LRBA: variants seen among roughly 807,000 people sequenced by gnomAD.
LRBA encodes the protein LPS responsive beige-like anchor protein.
Under a neutral mutation model 330.0 loss-of-function variants are expected in LRBA, and 176 were observed. That is an observed-to-expected ratio of 0.53 (90% CI 0.47 to 0.60). The LOEUF (loss-of-function observed/expected upper bound fraction) is 0.60, where lower values mean the gene tolerates loss of function less well. Ranked by LOEUF, LRBA falls within the 20% of genes least tolerant of loss-of-function variation. The pLI is 0.00. For synonymous variants in LRBA, 1,230 were observed against 1,193.0 expected (o/e 1.03, Z -0.64); for missense variants, 3,259 against 3,444.8 (o/e 0.95, Z 1.35).
At position 150,567,265 on chromosome 4, in the gene LRBA, C is replaced by T. The variant is rs76141746; in HGVS notation, c.6330+20783G>A. On this transcript the variant is annotated intron_variant, in intron 40 of 56. Coordinates refer to ENST00000651943, the MANE Select transcript of LRBA (RefSeq NM_001364905.1). ...ATCTCTATATATTATCTGATCATGT[C>T]GCAACATTTCAGAGTAGGATAACAA... Among the ~76,000 whole-genome samples, 716 of 151,998 alleles carry T rather than the reference C, an allele frequency of 4.7e-3. 3 individuals carry two copies. The highest frequency in any genetic ancestry group is 0.017 in the African/African-American group (689 of 41,454).
In LRBA at chr4:150,588,057, G is replaced by T; in HGVS notation, c.6321C>A (p.Ile2107=). The change falls in exon 40 of 57, where the codon ATC becomes ATA. Residue 2107 remains isoleucine (I), a synonymous_variant. Transcript: ENST00000651943. ...VDEEDPNFKK[I]DPKILAYTEG... ...CCCTTCATCTTCTCACCTTGGGGTC[G>T]ATTTTTTTGAAGTTAGGATCCTCTT... 6.2e-7 allele frequency: 1 copy of T among 1,611,718 alleles called. No individual in the cohort carries two copies. Among genetic ancestry groups the T allele is most frequent in the South Asian group, 1.1e-5 (1 of 90,370 alleles).
intron 2 of LRBA, among the ~76,000 whole-genome samples, chr4:150,997,764 C>A (rs547976969): frequency 6.6e-6 from 1 of 151,762 alleles, no homozygotes; most frequent in Non-Finnish European, 1.5e-5. Context: ...AGTGCAGTGG[C>A]GCAATCTTGG....
intron 4 of LRBA, 57 bp from the exon 5 acceptor site, chr4:150,921,350 C>T: frequency 2.0e-6 from 2 of 1,014,050 alleles, no homozygotes; most frequent in Admixed American, 1.8e-5. Flanking sequence ...ATAAAAAAAA[C>T]ACATCTTTAA....
intron 46 of LRBA, among the ~76,000 whole-genome samples, chr4:150,418,001 A>G (rs1012415217): frequency 6.6e-6 from 1 of 150,556 alleles, no homozygotes; most frequent in Non-Finnish European, 1.5e-5. Flanking sequence ...TATTCTCCAC[A>G]AGTTTTTTTG....
At position 150,302,625 on chromosome 4, in the gene LRBA, T is replaced by G; in HGVS notation, c.8017A>C (p.Ser2673Arg). The change falls in exon 53 of 57, where the codon AGT becomes CGT. Residue 2673 changes from serine (S) to arginine (R), a missense_variant and splice_region_variant. Ser to Arg is a moderately radical substitution (Grantham distance 110). Coordinates refer to ENST00000651943, the MANE Select transcript of LRBA (RefSeq NM_001364905.1). Reference sequence around the variant, plus strand: ...TACTTAAAAAATGAGTCATACTTACTGCCTGGGTTATCTCCAATCCCACTG... The same window carrying G: ...TACTTAAAAAATGAGTCATACTTACGGCCTGGGTTATCTCCAATCCCACTG... ...KCSGIGDNPG[S>R]ETAAPRAILT... 1 of 1,602,378 alleles carries G rather than the reference T, an allele frequency of 6.2e-7. No homozygotes were observed. The highest frequency in any genetic ancestry group is 8.5e-7 in the Non-Finnish European group (1 of 1,173,550).
intron 47 of LRBA, among the ~76,000 whole-genome samples, chr4:150,368,360 C>T (rs554703555): frequency 1.3e-5 from 2 of 152,186 alleles, no homozygotes; most frequent in Non-Finnish European, 2.9e-5. Flanking sequence ...CATTAAACTA[C>T]AATTTTTTAG....
chr4:150,871,341 C>A lies in LRBA; in HGVS notation c.2367+4G>T. ...AGAGGAGTAAATCCTAAGTACATTCCTACCTCAAACAGCACATTATATGTG... is the reference window on the plus strand; with the variant it reads ...AGAGGAGTAAATCCTAAGTACATTCATACCTCAAACAGCACATTATATGTG... On this transcript the variant is annotated splice_donor_region_variant and intron_variant, in intron 19 of 56. Coordinates refer to ENST00000651943, the MANE Select transcript of LRBA (RefSeq NM_001364905.1). 2 of 1,549,244 alleles carry A rather than the reference C, an allele frequency of 1.3e-6. No homozygotes were observed. Among genetic ancestry groups the A allele is most frequent in the Non-Finnish European group, 1.8e-6 (2 of 1,124,296 alleles).
intron 13 of LRBA, among the ~76,000 whole-genome samples, 166 bp downstream of exon 13, chr4:150,905,672 C>A (rs1731247845): frequency 6.6e-6 from 1 of 151,854 alleles, no homozygotes; most frequent in Non-Finnish European, 1.5e-5. Context: ...ACACAATTTG[C>A]AATTTTTCCT....
chr4:150,608,640 T>C (rs1205017116), intron 37 of LRBA, among the ~76,000 whole-genome samples: 1 of 152,224 alleles, frequency 6.6e-6, no homozygotes, highest in African/African-American at 2.4e-5. Flanking sequence ...GTTTAAAATG[T>C]ACAATTCAAC....
At chr4:150,806,952 T>C (rs1742889151) in intron 32 of LRBA, among the ~76,000 whole-genome samples, 1 of 151,928 alleles carries the variant, frequency 6.6e-6, no homozygotes, top group Non-Finnish European at 1.5e-5. Context: ...AGGCACATTA[T>C]AACAAAACTA....
Position 150,777,971 on chromosome 4 carries a change from T to C in LRBA, c.5581-16124A>G, listed in dbSNP as rs1290955569. Among the ~76,000 whole-genome samples, 4 of 29,014 alleles carry C rather than the reference T, an allele frequency of 1.4e-4. 1 individual carries two copies. In the East Asian group the frequency reaches 4.1e-3, roughly 30 times the overall value. 19.0% of individuals were successfully genotyped at this position (29,014 alleles called of 152,430 possible). ...CCTGGAGACAGAGTGAGACTCTGTT[T>C]CAAAAAAAAAAAAAAAAAAAAAAAA... On this transcript the variant is annotated intron_variant, in intron 34 of 56. Coordinates refer to ENST00000651943, the MANE Select transcript of LRBA (RefSeq NM_001364905.1).
intron 38 of LRBA, among the ~76,000 whole-genome samples, chr4:150,594,860 G>T (rs1773313991): frequency 6.6e-6 from 1 of 151,924 alleles, no homozygotes; most frequent in African/African-American, 2.4e-5. Flanking sequence ...CACAAAACAG[G>T]TAAGTAGAAT....
chr4:150,775,767 G>A (rs963915889), intron 34 of LRBA, among the ~76,000 whole-genome samples: 2 of 94,236 alleles, frequency 2.1e-5, no homozygotes, highest in Non-Finnish European at 4.5e-5. Context: ...TATAAGTAAA[G>A]GAAAAAGGAC....
At position 150,490,285 on chromosome 4, in the gene LRBA, A is replaced by G. The variant is rs150951741; in HGVS notation, c.6448+633T>C. ...TGTATATATAATACAAGGAATATGT[A>G]CAATAAATCAGTAGGTTTTACATAT... On this transcript the variant is annotated intron_variant, in intron 41 of 56. Transcript: ENST00000651943. 2.5e-3 allele frequency among the ~76,000 whole-genome samples: 375 copies of G among 151,988 alleles called. 1 individual carries two copies. Among genetic ancestry groups the G allele is most frequent in the African/African-American group, 8.6e-3 (359 of 41,542 alleles).
chr4:150,331,084 A>T (rs986422571), intron 48 of LRBA, among the ~76,000 whole-genome samples: 7 of 152,176 alleles, frequency 4.6e-5, no homozygotes, highest in African/African-American at 1.7e-4. Flanking sequence ...CAGATCCAGC[A>T]TACTGGAGGA....
intron 30 of LRBA, among the ~76,000 whole-genome samples, chr4:150,826,960 G>A (rs531306119): frequency 7.9e-5 from 12 of 152,282 alleles, no homozygotes; most frequent in Non-Finnish European, 1.5e-4. Context: ...TGTTGTGCAT[G>A]ACTCCACAGG....
chr4:150,424,788 G>A (rs1480557897), intron 46 of LRBA, among the ~76,000 whole-genome samples: 6 of 152,332 alleles, frequency 3.9e-5, no homozygotes, highest in South Asian at 2.1e-4. Flanking sequence ...AAGTGGCCCC[G>A]GCCATGAATT....
chr4:150,394,450 C>G (rs1386326555), intron 47 of LRBA, among the ~76,000 whole-genome samples: 1 of 152,134 alleles, frequency 6.6e-6, no homozygotes, highest in Non-Finnish European at 1.5e-5. Context: ...AATAAATATT[C>G]ACTGAAAGTT....
chr4:150,763,923 G>A (rs1033146436), intron 34 of LRBA, among the ~76,000 whole-genome samples: 1 of 152,004 alleles, frequency 6.6e-6, no homozygotes, highest in East Asian at 1.9e-4. Context: ...CAAGAAGTAC[G>A]ATACTTCAAG....
Sources: gnomAD v4.1 joint callset for allele counts (sites outside exome capture counted in the v4.1 genomes callset) on GRCh38, gnomAD v4.1.1 for gene constraint, MANE v1.5 for transcripts, NCBI Gene and HGNC (gene_info 2026-07-23, HGNC 2026-07-21) for gene names.